SCAF8: variants seen among roughly 807,000 people sequenced by gnomAD.
The protein encoded by SCAF8 is SR-related and CTD-associated factor 8.
SCAF8 carries 23 observed loss-of-function variants against 140.5 expected under a neutral mutation model. That is an observed-to-expected ratio of 0.16 (90% confidence interval 0.12 to 0.23). The LOEUF (loss-of-function observed/expected upper bound fraction) is 0.23, where lower values mean the gene tolerates loss of function less well. Ranked by LOEUF, SCAF8 falls within the 10% of genes least tolerant of loss-of-function variation. The probability of loss-of-function intolerance (pLI) is 1.00; values close to 1 mark genes in which losing one functional copy is unlikely to be tolerated. For missense variants in SCAF8, 1,397 were observed against 1,555.7 expected, an observed-to-expected ratio of 0.90 and a Z score of 1.72; for synonymous variants, 575 against 528.9, an observed-to-expected ratio of 1.09 and a Z score of -1.20.
chr6:154,788,112 T>A, intron 4 of SCAF8, 90 bp downstream of exon 4: 3 of 1,082,978 alleles, frequency 2.8e-6, no homozygotes, highest in Non-Finnish European at 4.0e-6. Flanking sequence ...CTTAGTACAG[T>A]CATGTGCCAC....
Position 154,820,221 on chromosome 6 carries a change from A to G in SCAF8, c.1680A>G (p.Gln560=). Residue 560 remains glutamine (Q), a synonymous_variant, in exon 15 of 20, where the codon CAA becomes CAG. Transcript: ENST00000367178. The stretch of plus-strand genomic sequence containing the variant: ...AAGGTGTAAAAACAGAATACAAACA[A>G]TTCTGGGATGTGGATCTTGGAGTTA... ...LNKGVKTEYK[Q]FWDVDLGVTY... 6.2e-7 allele frequency: 1 copy of G among 1,608,508 alleles called. No homozygotes were observed.
intron 1 of SCAF8, among the ~76,000 whole-genome samples, chr6:154,772,906 C>T (rs532421973): frequency 1.3e-5 from 2 of 152,068 alleles, no homozygotes; most frequent in East Asian, 3.9e-4. Context: ...ATTACAGGCG[C>T]CTGCCACCAC....
chr6:154,746,339 A>G (rs1426093972), intron 1 of SCAF8, among the ~76,000 whole-genome samples: 5 of 152,204 alleles, frequency 3.3e-5, no homozygotes. Context: ...AACTCCCACC[A>G]GCCTGGGAAT....
chr6:154,800,532 C>G (rs766160378), intron 6 of SCAF8, among the ~76,000 whole-genome samples: 17 of 151,420 alleles, frequency 1.1e-4, no homozygotes, highest in African/African-American at 4.1e-4. Context: ...GGGGAATCAC[C>G]AGGGACTTTT....
At chr6:154,824,104 A>G in intron 16 of SCAF8, 130 bp from the exon 17 acceptor site, 2 of 831,694 alleles carry the variant, frequency 2.4e-6, no homozygotes, top group Non-Finnish European at 3.8e-6. Flanking sequence ...GTATACAAAA[A>G]GGGGGCATAA....
At chr6:154,776,962 C>G (rs1386878403) in intron 2 of SCAF8, among the ~76,000 whole-genome samples, 6 of 152,196 alleles carry the variant, frequency 3.9e-5, no homozygotes, top group African/African-American at 1.4e-4. Flanking sequence ...GGGTGGATCA[C>G]TTGAGGTCAA....
At chr6:154,772,779 C>T (rs1308394731) in intron 1 of SCAF8, among the ~76,000 whole-genome samples, 1 of 152,012 alleles carries the variant, frequency 6.6e-6, no homozygotes, top group Non-Finnish European at 1.5e-5. Context: ...CTTTTTGAGA[C>T]AGAGTCTCCC....
At chr6:154,806,636 A>T (rs976600781) in intron 9 of SCAF8, among the ~76,000 whole-genome samples, 1 of 152,186 alleles carries the variant, frequency 6.6e-6, no homozygotes, top group Non-Finnish European at 1.5e-5. Context: ...GATGGAAGAG[A>T]TAGCAAACTT....
Position 154,832,862 on chromosome 6 carries a change from C to G in SCAF8, c.3283C>G (p.His1095Asp). 6.2e-7 allele frequency: 1 copy of G among 1,613,974 alleles called. No individual in the cohort carries two copies. Among genetic ancestry groups the G allele is most frequent in the Non-Finnish European group, 8.5e-7 (1 of 1,179,984 alleles). The change falls in exon 20 of 20, where the codon CAT (histidine) becomes GAT (aspartate). Residue 1095 changes from histidine to aspartate, a missense_variant. Coordinates refer to ENST00000367178, the MANE Select transcript of SCAF8 (RefSeq NM_014892.5). The part of the protein sequence containing the change: ...FGFNPEKPWG[H>D]RGDFDEREHR... The stretch of plus-strand genomic sequence containing the variant: ...CTTTAATCCAGAGAAGCCCTGGGGG[C>G]ATAGAGGAGATTTTGATGAGAGAGA...
intron 1 of SCAF8, among the ~76,000 whole-genome samples, chr6:154,744,304 G>A (rs986481771): frequency 1.3e-5 from 2 of 151,920 alleles, no homozygotes; most frequent in East Asian, 3.9e-4. Context: ...TGTGGGTGGG[G>A]GTTGGTGAGG....
intron 3 of SCAF8, among the ~76,000 whole-genome samples, chr6:154,784,155 A>ATATATATATATATATATATATATATT (rs1408182952): frequency 4.3e-5 from 4 of 91,996 alleles, no homozygotes; most frequent in East Asian, 3.5e-4. Context: ...ATATATATAT[A>ATATATATATATATATATATATATATT]TATTTATTTA....
intron 1 of SCAF8, among the ~76,000 whole-genome samples, 185 bp downstream of exon 1, chr6:154,734,115 G>A (rs1392660121): frequency 1.3e-5 from 2 of 152,208 alleles, no homozygotes; most frequent in African/African-American, 4.8e-5. Context: ...TCCGGGAGGA[G>A]GGTTGGGGGA....
chr6:154,808,034 T>A (rs1276910380), intron 9 of SCAF8, 36 bp from the exon 10 acceptor site: 1 of 1,567,664 alleles, frequency 6.4e-7, no homozygotes, highest in African/African-American at 1.4e-5. Context: ...AAAAAGTATC[T>A]CCCAATCTTT....
intron 4 of SCAF8, among the ~76,000 whole-genome samples, chr6:154,789,275 AT>A (rs574441202): frequency 6.7e-5 from 10 of 150,094 alleles, no homozygotes; most frequent in Admixed American, 5.3e-4. Flanking sequence ...CACTCGGCTA[AT>A]TTTTTTTTGT....
Position 154,805,463 on chromosome 6 carries a change from T to C in SCAF8, c.958T>C (p.Leu320=). ...CCTAGAACATCTCAGACAGCAGCTC[T>C]TGGAGCAGCAACAGCCTCAAAAGGT... ...QNLEHLRQQL[L]EQQQPQKATP... is the part of the protein sequence containing the mutation. The change falls in exon 9 of 20, where the codon TTG becomes CTG. Residue 320 remains leucine, a synonymous_variant. Transcript: ENST00000367178. 6.2e-7 allele frequency: 1 copy of C among 1,606,580 alleles called. No homozygotes were observed. The highest frequency in any genetic ancestry group is 8.5e-7 in the Non-Finnish European group (1 of 1,174,326).
intron 1 of SCAF8, among the ~76,000 whole-genome samples, chr6:154,740,081 T>G (rs933020459): frequency 6.6e-6 from 1 of 152,152 alleles, no homozygotes; most frequent in Non-Finnish European, 1.5e-5. Context: ...ATTCTGTCAG[T>G]CAGGCTATAT....
Position 154,764,673 on chromosome 6 carries a change from A to G in SCAF8, c.31-9316A>G, listed in dbSNP as rs528743280. ...GTAGACTGATAAGATGGAAACCTGTAGAGAACACTGGGTAGCTGGAGAGCC... is the reference window on the plus strand; with the variant it reads ...GTAGACTGATAAGATGGAAACCTGTGGAGAACACTGGGTAGCTGGAGAGCC... On this transcript the variant is annotated intron_variant, in intron 1 of 19. Transcript: ENST00000367178. Among the ~76,000 whole-genome samples, 11 of 152,294 alleles carry G rather than the reference A, an allele frequency of 7.2e-5. 1 individual carries two copies. In the South Asian group the frequency reaches 1.0e-3, roughly 14 times the overall value.
chr6:154,795,205 G>A, intron 6 of SCAF8, 66 bp downstream of exon 6: 1 of 1,347,626 alleles, frequency 7.4e-7, no homozygotes, highest in South Asian at 1.5e-5. Flanking sequence ...GTATTACTTT[G>A]TAACATACCA....
intron 13 of SCAF8, 49 bp downstream of exon 13, chr6:154,815,865 A>G (rs1471543607): frequency 2.7e-6 from 3 of 1,111,552 alleles, no homozygotes; most frequent in African/African-American, 1.6e-5. Context: ...GGAGGTTTTT[A>G]TTAATACAAA....
Sources: gnomAD v4.1 joint callset for allele counts (sites outside exome capture counted in the v4.1 genomes callset) on GRCh38, gnomAD v4.1.1 for gene constraint, MANE v1.5 for transcripts, NCBI Gene and HGNC (gene_info 2026-07-23, HGNC 2026-07-21) for gene names.